The following TXN2 variants were observed in gnomAD, a reference collection of about 807,000 sequenced individuals.
TXN2 encodes thioredoxin 2, also known as thioredoxin, mitochondrial.
TXN2 carries 12 observed loss-of-function variants against 14.6 expected under a neutral mutation model. The ratio of observed to expected loss-of-function variants is 0.82; its 90% confidence interval spans 0.53 to 1.33. The LOEUF (loss-of-function observed/expected upper bound fraction) is 1.33, where lower values mean the gene tolerates loss of function less well. Among genes scored for constraint, TXN2 ranks in the 40% most tolerant of loss-of-function variants. TXN2 has a pLI of 0.00. For synonymous variants in TXN2, 89 were observed against 81.0 expected (o/e 1.10, Z -0.53); for missense variants, 173 against 207.7 (o/e 0.83, Z 1.03).
Position 36,467,763 on chromosome 22 carries a change from G to C in TXN2, c.*41C>G. On this transcript the variant is annotated 3_prime_UTR_variant, in exon 4 of 4. Transcript: ENST00000216185. ...GCATGGAAGGGCTGAGTTCTATTGG[G>C]GTCCCACGCGGGCAAGGGAACCAGG... 6.5e-7 allele frequency: 1 copy of C among 1,534,380 alleles called. No individual in the cohort carries two copies. The highest frequency in any genetic ancestry group is 1.1e-5 in the South Asian group (1 of 89,460).
At position 36,481,637 on chromosome 22, in the gene TXN2, C is replaced by T. The variant is rs1822648193; in HGVS notation, c.-74G>A. The T allele has an allele frequency of 4.2e-6, 4 of 960,322 alleles. No homozygotes were observed. In the South Asian group the frequency reaches 1.9e-4, roughly 46 times the overall value. 59.5% of individuals were successfully genotyped at this position (960,322 alleles called of 1,614,324 possible). ...GTCAAGGGCACGCCTGTCGTCACTT[C>T]CTCGGGGGGGGACGTACATAACGTC... On this transcript the variant is annotated 5_prime_UTR_variant, in exon 1 of 4. Transcript: ENST00000216185.
chr22:36,469,552 G>A (rs1164580299), intron 3 of TXN2, among the ~76,000 whole-genome samples: 1 of 152,198 alleles, frequency 6.6e-6, no homozygotes, highest in African/African-American at 2.4e-5. Context: ...GACCTGCATA[G>A]GTTATGTGGA....
rs34939764 is a variant in TXN2 at position 36,470,781 on chromosome 22, TA to T, written c.388-2865del. Among the ~76,000 whole-genome samples, 802 of 136,190 alleles carry T rather than the reference TA, an allele frequency of 5.9e-3. 1 individual carries two copies. The highest frequency in any genetic ancestry group is 0.022 in the Middle Eastern group (6 of 270). 89.3% of individuals were successfully genotyped at this position (136,190 alleles called of 152,430 possible). On this transcript the variant is annotated intron_variant, in intron 3 of 3. Coordinates refer to ENST00000216185, the MANE Select transcript of TXN2 (RefSeq NM_012473.4). ...CAAGACGTCGTCTCCATAAAAATAT[TA>T]AAAAAAAAAAAAAAGAACTCCAGAT...
Position 36,467,465 on chromosome 22 carries a change from C to T in TXN2, c.*339G>A, listed in dbSNP as rs185504131. 7.5e-6 allele frequency: 2 copies of T among 267,766 alleles called. No homozygotes were observed. Among genetic ancestry groups the T allele is most frequent in the Admixed American group, 4.6e-5 (1 of 21,620 alleles). The allele number at this position is 267,766 out of a possible 1,614,324, so 16.6% of individuals were successfully genotyped here. A position where few individuals can be genotyped will look rare whatever the true frequency, so the allele number is the denominator to read the frequency against. ...GCACGAGGTTTCAGATTGGAAGGGA[C>T]CAAGATGAGGACCAAGGTGTGGCTG... On this transcript the variant is annotated 3_prime_UTR_variant, in exon 4 of 4. Transcript: ENST00000216185.
At chr22:36,468,335 G>T (rs542507051) in intron 3 of TXN2, among the ~76,000 whole-genome samples, 15 of 152,252 alleles carry the variant, frequency 9.9e-5, no homozygotes, top group Non-Finnish European at 1.9e-4. Context: ...TAGCAAGGGG[G>T]CCTTGGCCGG....
intron 3 of TXN2, chr22:36,468,663 T>TC (rs1933208824): frequency 2.2e-6 from 1 of 450,790 alleles, no homozygotes; most frequent in African/African-American, 2.0e-5. Context: ...AGACTGAGGC[T>TC]TCAGTGAGCT....
rs988801433 is a variant in TXN2, at chr22:36,467,375, CT to C, written c.*428del. On this transcript the variant is annotated 3_prime_UTR_variant, in exon 4 of 4. Coordinates refer to ENST00000216185, the MANE Select transcript of TXN2 (RefSeq NM_012473.4). Reference sequence around the variant, plus strand: ...ATATTACTCTCACTAGTTTGGGCTTCTTTTTTCTTTTTCTTTTTACAAAACA... The same window carrying C: ...ATATTACTCTCACTAGTTTGGGCTTCTTTTTCTTTTTCTTTTTACAAAACA... The C allele has an allele frequency of 1.1e-5, 2 of 185,064 alleles. No homozygotes were observed. Among genetic ancestry groups the C allele is most frequent in the Non-Finnish European group, 2.3e-5 (2 of 87,442 alleles). 11.5% of individuals were successfully genotyped at this position (185,064 alleles called of 1,614,324 possible).
At chr22:36,478,929 G>A (rs1933442075) in intron 2 of TXN2, among the ~76,000 whole-genome samples, 2 of 151,964 alleles carry the variant, frequency 1.3e-5, no homozygotes, top group South Asian at 4.1e-4. Flanking sequence ...TCCAGCCTGG[G>A]TGACAGAATG....
At chr22:36,472,852 A>C (rs1253854313) in intron 3 of TXN2, among the ~76,000 whole-genome samples, 2 of 152,014 alleles carry the variant, frequency 1.3e-5, no homozygotes, top group African/African-American at 2.4e-5. Flanking sequence ...TCCAAAGAGC[A>C]GTTCCTCCCC....
chr22:36,468,770 G>A (rs530554358), intron 3 of TXN2: 19 of 386,320 alleles, frequency 4.9e-5, no homozygotes, highest in East Asian at 1.8e-4. Flanking sequence ...GGCTGGGCGC[G>A]GTGGCTCACA....
rs1933186941 is a variant in TXN2 at position 36,467,608 on chromosome 22, T to TCAG, written c.*193_*195dup. 1 of 578,196 alleles carries TCAG rather than the reference T, an allele frequency of 1.7e-6. No homozygotes were observed. The highest frequency in any genetic ancestry group is 1.9e-5 in the African/African-American group (1 of 53,372). 35.8% of individuals were successfully genotyped at this position (578,196 alleles called of 1,614,324 possible). A position where few individuals can be genotyped will look rare whatever the true frequency, so the allele number is the denominator to read the frequency against. ...GGGAGGGAAGACAGCGGTCCCCGGATCAGCAGCAGCACCACCATCCTCTGA... is the reference window on the plus strand; with the variant it reads ...GGGAGGGAAGACAGCGGTCCCCGGATCAGCAGCAGCAGCACCACCATCCTCTGA... On this transcript the variant is annotated 3_prime_UTR_variant, in exon 4 of 4. Transcript: ENST00000216185.
chr22:36,476,564 C>T (rs1265414325), intron 3 of TXN2, among the ~76,000 whole-genome samples, 169 bp downstream of exon 3: 2 of 152,020 alleles, frequency 1.3e-5, no homozygotes, highest in Non-Finnish European at 2.9e-5. Flanking sequence ...TGCACTCTAG[C>T]CCAGGTGACA....
At chr22:36,480,146 G>C (rs1933469573) in intron 2 of TXN2, among the ~76,000 whole-genome samples, 2 of 152,178 alleles carry the variant, frequency 1.3e-5, no homozygotes, top group Non-Finnish European at 2.9e-5. Flanking sequence ...GCCTCCCAAA[G>C]TGCTGGGATT....
chr22:36,479,060 G>A (rs892960056), intron 2 of TXN2, among the ~76,000 whole-genome samples: 10 of 152,172 alleles, frequency 6.6e-5, no homozygotes, highest in African/African-American at 2.4e-4. Flanking sequence ...TCAGGAGGTA[G>A]AGACTGCAGT....
intron 2 of TXN2, among the ~76,000 whole-genome samples, chr22:36,477,238 C>T (rs2281083): frequency 5.9e-5 from 9 of 151,986 alleles, no homozygotes; most frequent in South Asian, 2.1e-4. Context: ...GACGGAGTCT[C>T]GCTCTATCCC....
chr22:36,468,545 G>A (rs972234587), intron 3 of TXN2: 1 of 345,472 alleles, frequency 2.9e-6, no homozygotes, highest in Non-Finnish European at 5.8e-6. Flanking sequence ...GCAATATAGT[G>A]AGACCCTTTG....
chr22:36,480,395 T>G (rs1017904805), intron 2 of TXN2, among the ~76,000 whole-genome samples, 180 bp downstream of exon 2: 8 of 152,260 alleles, frequency 5.3e-5, no homozygotes, highest in Admixed American at 2.0e-4. Context: ...CTTTGCAGAC[T>G]GTTCACTTGT....
chr22:36,469,890 A>C (rs1244852142), intron 3 of TXN2, among the ~76,000 whole-genome samples: 1 of 152,176 alleles, frequency 6.6e-6, no homozygotes, highest in African/African-American at 2.4e-5. Context: ...CGGGAGGCAG[A>C]GGTTGCACTG....
intron 3 of TXN2, among the ~76,000 whole-genome samples, 157 bp from the exon 4 acceptor site, chr22:36,468,074 C>A (rs1933197378): frequency 6.6e-6 from 1 of 152,200 alleles, no homozygotes; most frequent in South Asian, 2.1e-4. Context: ...TCTCTCGGTG[C>A]AGGGGTACTG....
Sources: gnomAD v4.1 joint callset for allele counts (sites outside exome capture counted in the v4.1 genomes callset) on GRCh38, gnomAD v4.1.1 for gene constraint, MANE v1.5 for transcripts, NCBI Gene and HGNC (gene_info 2026-07-23, HGNC 2026-07-21) for gene names.